The following TANC2 variants were observed in gnomAD, a reference collection of about 807,000 sequenced individuals.
TANC2 encodes the protein tetratricopeptide repeat, ankyrin repeat and coiled-coil containing 2.
A neutral mutation model predicts 210.5 loss-of-function variants in TANC2; 26 were observed. The ratio of observed to expected loss-of-function variants is 0.12; its 90% CI spans 0.09 to 0.17. TANC2 has a LOEUF of 0.17. Ranked by LOEUF, TANC2 falls within the 10% of genes least tolerant of loss-of-function variation. The pLI is 1.00. For missense variants in TANC2, 2,129 were observed against 2,608.9 expected (o/e 0.82, Z 4.01); for synonymous variants, 931 against 967.1 (o/e 0.96, Z 0.69).
At chr17:63,202,135 A>G (rs1034374070) in intron 7 of TANC2, among the ~76,000 whole-genome samples, 5 of 152,176 alleles carry the variant, frequency 3.3e-5, no homozygotes, top group Non-Finnish European at 5.9e-5. Flanking sequence ...ATCAAGTTGT[A>G]TAATGATTCA....
intron 4 of TANC2, among the ~76,000 whole-genome samples, chr17:63,109,188 G>A (rs1462038093): frequency 6.6e-6 from 1 of 151,584 alleles, no homozygotes; most frequent in African/African-American, 2.4e-5. Flanking sequence ...GGAAGACATA[G>A]TAAACATGAA....
intron 7 of TANC2, among the ~76,000 whole-genome samples, chr17:63,230,049 A>G (rs970045928): frequency 5.9e-5 from 9 of 151,602 alleles, no homozygotes; most frequent in Middle Eastern, 6.8e-3. Flanking sequence ...TTTCACCTCA[A>G]CCTCCCAAAG....
chr17:63,159,100 A>G (rs1200334362), intron 5 of TANC2, among the ~76,000 whole-genome samples: 1 of 152,044 alleles, frequency 6.6e-6, no homozygotes, highest in Non-Finnish European at 1.5e-5. Context: ...AGTTTTTATA[A>G]CCTAATCATG....
chr17:63,178,445 G>A (rs1301637958), intron 5 of TANC2, among the ~76,000 whole-genome samples: 3 of 152,208 alleles, frequency 2.0e-5, no homozygotes, highest in Non-Finnish European at 4.4e-5. Context: ...AGTTTTGGAA[G>A]GATGTGGAAG....
At chr17:63,226,543 G>A (rs746128829) in intron 7 of TANC2, among the ~76,000 whole-genome samples, 8 of 152,080 alleles carry the variant, frequency 5.3e-5, no homozygotes, top group Non-Finnish European at 8.8e-5. Flanking sequence ...TTTATACCAC[G>A]GAGATCAGCA....
chr17:63,304,209 C>T (rs112745473), intron 9 of TANC2, among the ~76,000 whole-genome samples: 7 of 152,090 alleles, frequency 4.6e-5, no homozygotes, highest in Admixed American at 6.5e-5. Flanking sequence ...ATTCTTTCTC[C>T]TCTTCATGAG....
intron 14 of TANC2, among the ~76,000 whole-genome samples, chr17:63,371,561 A>G (rs1287232474): frequency 2.0e-5 from 3 of 152,056 alleles, no homozygotes; most frequent in African/African-American, 7.3e-5. Flanking sequence ...AATCTGTGTG[A>G]CTCCATATTA....
chr17:63,077,258 A>G (rs76793890), intron 3 of TANC2, among the ~76,000 whole-genome samples: 9,560 of 152,278 alleles, frequency 0.063, 419 homozygotes, highest in Non-Finnish European at 0.092. Context: ...TCTGAATTCC[A>G]TATGCATTGA....
At chr17:63,123,609 A>T in intron 4 of TANC2, among the ~76,000 whole-genome samples, 1 of 151,348 alleles carries the variant, frequency 6.6e-6, no homozygotes, top group African/African-American at 2.4e-5. Context: ...TTTGAAAATA[A>T]GTAAGGTTTT....
At chr17:63,027,256 A>C (rs1309113142) in intron 2 of TANC2, among the ~76,000 whole-genome samples, 2 of 152,140 alleles carry the variant, frequency 1.3e-5, no homozygotes, top group African/African-American at 4.8e-5. Context: ...ATCCAAGTGT[A>C]TATCAGTATG....
At chr17:63,005,001 G>C (rs1314091415) in intron 1 of TANC2, 1 of 157,458 alleles carries the variant, frequency 6.4e-6, no homozygotes, top group Non-Finnish European at 1.4e-5. Flanking sequence ...TGATCACAGG[G>C]ATGCAGTGAC....
intron 1 of TANC2, among the ~76,000 whole-genome samples, chr17:62,996,438 G>C (rs113134858): frequency 6.6e-6 from 1 of 152,000 alleles, no homozygotes; most frequent in Non-Finnish European, 1.5e-5. Flanking sequence ...CCTGTAACCA[G>C]TGCAGCTGTT....
intron 11 of TANC2, among the ~76,000 whole-genome samples, chr17:63,322,968 GA>G (rs1199018630): frequency 6.6e-6 from 1 of 152,144 alleles, no homozygotes; most frequent in Non-Finnish European, 1.5e-5. Context: ...CCTAGACATG[GA>G]ATCCTGTTCA....
At chr17:63,295,054 C>T (rs942775405) in intron 9 of TANC2, among the ~76,000 whole-genome samples, 5 of 152,106 alleles carry the variant, frequency 3.3e-5, no homozygotes, top group African/African-American at 1.2e-4. Flanking sequence ...GTAATGCAGG[C>T]CAACAGTGCT....
intron 5 of TANC2, among the ~76,000 whole-genome samples, chr17:63,160,384 T>TA (rs935539295): frequency 6.6e-6 from 1 of 152,156 alleles, no homozygotes; most frequent in Non-Finnish European, 1.5e-5. Context: ...TACACAAAAT[T>TA]AAAAAATAGT....
intron 5 of TANC2, among the ~76,000 whole-genome samples, chr17:63,181,687 G>A (rs566706859): frequency 2.0e-5 from 3 of 152,206 alleles, no homozygotes; most frequent in South Asian, 2.1e-4. Context: ...ATTGCCTCTC[G>A]GAATGATTGA....
chr17:63,323,973 G>A (rs1302227421), intron 11 of TANC2, among the ~76,000 whole-genome samples: 4 of 152,284 alleles, frequency 2.6e-5, no homozygotes, highest in African/African-American at 7.2e-5. Flanking sequence ...ACCACTGCAC[G>A]AAGCTGCTTC....
At chr17:62,991,651 A>AC (rs1334018997) in intron 1 of TANC2, among the ~76,000 whole-genome samples, 2 of 151,882 alleles carry the variant, frequency 1.3e-5, no homozygotes, top group African/African-American at 4.8e-5. Flanking sequence ...AAAAAAAAAA[A>AC]AACAAAAAAA....
intron 14 of TANC2, among the ~76,000 whole-genome samples, chr17:63,361,435 G>A (rs2046954919): frequency 6.6e-6 from 1 of 152,246 alleles, no homozygotes; most frequent in Non-Finnish European, 1.5e-5. Context: ...CACGCTGGCT[G>A]CTGCAGCAGG....
Sources: gnomAD v4.1 joint callset for allele counts (sites outside exome capture counted in the v4.1 genomes callset) on GRCh38, gnomAD v4.1.1 for gene constraint, MANE v1.5 for transcripts, NCBI Gene and HGNC (gene_info 2026-07-23, HGNC 2026-07-21) for gene names.